Variants in TRIM5 observed in about 807,000 individuals in gnomAD.
TRIM5 encodes tripartite motif-containing protein 5.
In TRIM5, 31 loss-of-function variants were observed where a neutral mutation model predicts 35.6. That is an observed-to-expected ratio of 0.87 (90% CI 0.65 to 1.18). The LOEUF (loss-of-function observed/expected upper bound fraction) is 1.18. TRIM5 is among the 50% of genes most tolerant of loss of function. The pLI, the probability that TRIM5 is intolerant of heterozygous loss-of-function variation, is 0.00. For synonymous variants in TRIM5, 243 were observed against 215.6 expected (o/e 1.13, Z -1.11); for missense variants, 609 against 591.6 (o/e 1.03, Z -0.31).
chr11:5,611,060 T>A, the TRIM5 span: 1 of 1,614,222 alleles, frequency 6.2e-7, no homozygotes, highest in Middle Eastern at 1.6e-4. Flanking sequence ...ACTCCAGGTA[T>A]CAGCCTCAGA....
chr11:5,634,530 C>CATAT, the TRIM5 span: 74 of 261,888 alleles, frequency 2.8e-4, no homozygotes, highest in African/African-American at 1.5e-3. Flanking sequence ...CACACACACA[C>CATAT]ATATATATAT....
At chr11:5,639,836 A>C in the TRIM5 span, among the ~76,000 whole-genome samples, 27 of 152,106 alleles carry the variant, frequency 1.8e-4, no homozygotes, top group Middle Eastern at 6.8e-3. Flanking sequence ...TTTAAAAATT[A>C]GTTTTTATTG....
At chr11:5,604,390 A>G in the TRIM5 span, 1 of 816,598 alleles carries the variant, frequency 1.2e-6, no homozygotes, top group Non-Finnish European at 1.8e-6. Flanking sequence ...TATATAAAAG[A>G]TTTGTTGGCC....
chr11:5,644,864 G>A, the TRIM5 span, among the ~76,000 whole-genome samples: 1 of 152,060 alleles, frequency 6.6e-6, no homozygotes, highest in Admixed American at 6.6e-5. Context: ...TTGGATCATG[G>A]GGGCCTCATG....
chr11:5,616,315 C>G, the TRIM5 span, among the ~76,000 whole-genome samples: 1 of 145,344 alleles, frequency 6.9e-6, no homozygotes. Flanking sequence ...GAGCGAAACA[C>G]TGTCTCAAAA....
rs1850938730 is a variant in TRIM5 at position 5,663,983 on chromosome 11, C to A, written c.*826G>T. 6.4e-6 allele frequency: 1 copy of A among 156,040 alleles called. No individual in the cohort carries two copies. The highest frequency in any genetic ancestry group is 1.4e-5 in the Non-Finnish European group (1 of 71,548). The allele number at this position is 156,040 out of a possible 1,614,324, so 9.7% of individuals were successfully genotyped here. On this transcript the variant is annotated 3_prime_UTR_variant, in exon 8 of 8. Coordinates refer to ENST00000380034, the MANE Select transcript of TRIM5 (RefSeq NM_033034.3). Reference sequence around the variant, plus strand: ...TTGGGAGGCCGAGGCGGGTGGATCACCTGAGGTCAGAGGTTCTAGACGAGC... The same window carrying A: ...TTGGGAGGCCGAGGCGGGTGGATCAACTGAGGTCAGAGGTTCTAGACGAGC...
chr11:5,612,345 A>G, the TRIM5 span: 1 of 152,206 alleles, frequency 6.6e-6, no homozygotes, highest in Non-Finnish European at 1.5e-5. Flanking sequence ...AATTGAAGAG[A>G]GTCTTCACTA....
In TRIM5 at chr11:5,664,176, G is replaced by A. The variant is rs1352407609; in HGVS notation, c.*633C>T. On this transcript the variant is annotated 3_prime_UTR_variant, in exon 8 of 8. Coordinates refer to ENST00000380034, the MANE Select transcript of TRIM5 (RefSeq NM_033034.3). ...AGATCGTGCCATTGCACTCCAGCCTGGGGAACAAGAGCAAAACTTCATCTC... is the reference window on the plus strand; with the variant it reads ...AGATCGTGCCATTGCACTCCAGCCTAGGGAACAAGAGCAAAACTTCATCTC... The A allele has an allele frequency of 2.7e-5, 24 of 888,734 alleles. No individual in the cohort carries two copies. Among genetic ancestry groups the A allele is most frequent in the Admixed American group, 6.6e-5 (1 of 15,084 alleles). The allele number at this position is 888,734 out of a possible 1,614,324, so 55.1% of individuals were successfully genotyped here.
intron 4 of TRIM5, among the ~76,000 whole-genome samples, chr11:5,675,107 C>T (rs1230250296): frequency 6.6e-6 from 1 of 151,994 alleles, no homozygotes; most frequent in Non-Finnish European, 1.5e-5. Flanking sequence ...TGGCTCACTG[C>T]AAGCTCCGCC....
the TRIM5 span, chr11:5,596,547 C>CCTTCCCCCTTCCCCTCCCCA: frequency 9.2e-6 from 1 of 109,002 alleles, no homozygotes; most frequent in Non-Finnish European, 1.9e-5. Flanking sequence ...CCCCCTTCCC[C>CCTTCCCCCTTCCCCTCCCCA]CTTCCCCCTT....
chr11:5,659,753 C>CT (rs755017850), downstream of TRIM5, among the ~76,000 whole-genome samples: 2,021 of 141,200 alleles, frequency 0.014, 43 homozygotes, highest in African/African-American at 0.045. Context: ...TCTCTGAAGC[C>CT]TTTTTTTTTT....
chr11:5,634,948 G>T, the TRIM5 span: 1 of 1,450,810 alleles, frequency 6.9e-7, no homozygotes, highest in Non-Finnish European at 9.2e-7. Context: ...ACACTAAGGG[G>T]TTTCTTTGGC....
chr11:5,659,209 C>A (rs1243810604), downstream of TRIM5, among the ~76,000 whole-genome samples: 1 of 152,154 alleles, frequency 6.6e-6, no homozygotes, highest in Admixed American at 6.5e-5. Flanking sequence ...TAAACACTCA[C>A]CCCTAGAGGT....
At chr11:5,684,497 G>A (rs924012436) in intron 1 of TRIM5, among the ~76,000 whole-genome samples, 2 of 152,218 alleles carry the variant, frequency 1.3e-5, no homozygotes, top group Non-Finnish European at 2.9e-5. Flanking sequence ...AGGCCAAGGT[G>A]ATGAGAACTG....
chr11:5,596,730 T>C, the TRIM5 span: 1 of 1,062,256 alleles, frequency 9.4e-7, no homozygotes, highest in Middle Eastern at 2.7e-4. Context: ...ATCCCCTGCC[T>C]TTCTCGGAAC....
At chr11:5,595,413 G>C in the TRIM5 span, 1 of 152,144 alleles carries the variant, frequency 6.6e-6, no homozygotes, top group Non-Finnish European at 1.5e-5. Flanking sequence ...CACACACACA[G>C]CTTTATACAT....
At chr11:5,599,304 TG>T in the TRIM5 span, among the ~76,000 whole-genome samples, 17 of 152,236 alleles carry the variant, frequency 1.1e-4, no homozygotes, top group African/African-American at 4.1e-4. Flanking sequence ...TTGCCTGAAA[TG>T]AAAGTGTGCA....
chr11:5,617,321 G>A, the TRIM5 span, among the ~76,000 whole-genome samples: 3 of 144,138 alleles, frequency 2.1e-5, no homozygotes, highest in Non-Finnish European at 4.6e-5. Flanking sequence ...TCAAGAGATC[G>A]AAGGAAACCC....
the TRIM5 span, chr11:5,605,620 C>T: frequency 6.5e-7 from 1 of 1,532,542 alleles, no homozygotes; most frequent in Non-Finnish European, 8.7e-7. Flanking sequence ...GAGAAACTAA[C>T]TTTCCTTCCT....
Sources: allele counts gnomAD v4.1 joint callset (sites outside exome capture counted in the v4.1 genomes callset), GRCh38; gene constraint gnomAD v4.1.1; transcripts MANE v1.5; gene names NCBI Gene and HGNC (gene_info 2026-07-23, HGNC 2026-07-21).